Variants in TVP23A observed in about 807,000 individuals in gnomAD.
TVP23A encodes trans-golgi network vesicle protein 23 homolog A.
In TVP23A, 21 loss-of-function variants were observed where a neutral mutation model predicts 31.7. That is an observed-to-expected ratio of 0.66 (90% confidence interval 0.47 to 0.95). The LOEUF (loss-of-function observed/expected upper bound fraction) is 0.95. Ranked by LOEUF, TVP23A falls within the 40% of genes least tolerant of loss-of-function variation. The pLI is 0.00. For missense variants in TVP23A, 279 were observed against 255.6 expected (o/e 1.09, Z -0.62); for synonymous variants, 104 against 96.0 (o/e 1.08, Z -0.49).
chr16:10,786,971 T>C (rs565901896), intron 2 of TVP23A, among the ~76,000 whole-genome samples: 11 of 152,016 alleles, frequency 7.2e-5, no homozygotes, highest in African/African-American at 2.7e-4. Context: ...AATCCCCCAT[T>C]GAGTAATGGA....
rs2032153659 is a variant in TVP23A at position 10,777,870 on chromosome 16, G to A, written c.90-2774C>T. On this transcript the variant is annotated intron_variant, in intron 2 of 7. Coordinates refer to ENST00000299866, the MANE Select transcript of TVP23A (RefSeq NM_001079512.4). This position sits in a 1 kb window ranked among gnomAD's most constrained non-coding sequence, Gnocchi z 4.5. Reference sequence around the variant, plus strand: ...TACTAAAAATACAAAAATTAGCTGAGCGTGGTGGTGGGCGCCTGTAGTCCC... The same window carrying A: ...TACTAAAAATACAAAAATTAGCTGAACGTGGTGGTGGGCGCCTGTAGTCCC... 1.3e-5 allele frequency among the ~76,000 whole-genome samples: 2 copies of A among 152,188 alleles called. No individual in the cohort carries two copies. Among genetic ancestry groups the A allele is most frequent in the South Asian group, 4.2e-4 (2 of 4,802 alleles).
downstream of TVP23A, chr16:10,766,148 G>C (rs938341349): frequency 1.3e-5 from 2 of 152,436 alleles, no homozygotes; most frequent in African/African-American, 4.8e-5. The surrounding 1 kb of genome is among the most constrained non-coding windows in gnomAD (Gnocchi z 4.8). Flanking sequence ...TCCTGGTCCC[G>C]GTGTGCTGAG....
intron 2 of TVP23A, among the ~76,000 whole-genome samples, chr16:10,784,918 T>G (rs2032654664): frequency 6.6e-6 from 1 of 151,060 alleles, no homozygotes; most frequent in Non-Finnish European, 1.5e-5. Context: ...CTGACCAACA[T>G]GGTGAAACCC....
chr16:10,799,261 A>G (rs746172809), intron 2 of TVP23A, among the ~76,000 whole-genome samples: 1 of 152,232 alleles, frequency 6.6e-6, no homozygotes, highest in Non-Finnish European at 1.5e-5. Context: ...TGTTATCTGT[A>G]GCTGCTAAGT....
downstream of TVP23A, among the ~76,000 whole-genome samples, chr16:10,762,313 C>T (rs747563555): frequency 3.9e-4 from 60 of 152,168 alleles, no homozygotes; most frequent in Non-Finnish European, 6.8e-4. Flanking sequence ...CAGACCGGAA[C>T]GCGGATCACT....
At chr16:10,781,993 C>T (rs995352942) in intron 2 of TVP23A, among the ~76,000 whole-genome samples, 1 of 150,498 alleles carries the variant, frequency 6.6e-6, no homozygotes, top group African/African-American at 2.4e-5. Flanking sequence ...TCCTGAGTAG[C>T]TGGGATTGCA....
At chr16:10,759,289 G>A (rs1007551140), downstream of TVP23A, among the ~76,000 whole-genome samples, 1 of 152,192 alleles carries the variant, frequency 6.6e-6, no homozygotes, top group East Asian at 1.9e-4. This position sits in a 1 kb window ranked among gnomAD's most constrained non-coding sequence, Gnocchi z 4.7. Flanking sequence ...GCCATGGGAA[G>A]GGTGTCCGGG....
At chr16:10,773,093 T>A (rs2031743689) in intron 5 of TVP23A, among the ~76,000 whole-genome samples, 1 of 152,112 alleles carries the variant, frequency 6.6e-6, no homozygotes, top group African/African-American at 2.4e-5. Context: ...TCCTTCCACC[T>A]TGGCCTCCCA....
At chr16:10,806,397 G>A (rs116120504) in intron 2 of TVP23A, among the ~76,000 whole-genome samples, 1,743 of 152,224 alleles carry the variant, frequency 0.011, 38 homozygotes, top group African/African-American at 0.04. Flanking sequence ...TCAAGCTGCC[G>A]TCCAAGATAA....
chr16:10,757,878 ATCAAGCAGT>A (rs771474751), downstream of TVP23A: 12 of 1,613,490 alleles, frequency 7.4e-6, no homozygotes, highest in Non-Finnish European at 1.0e-5. This position sits in a 1 kb window ranked among gnomAD's most constrained non-coding sequence, Gnocchi z 4.1. Flanking sequence ...TCTAGGCATG[ATCAAGCAGT>A]TCCTCCGAGA....
At chr16:10,761,928 C>T, downstream of TVP23A, 3 of 1,227,014 alleles carry the variant, frequency 2.4e-6, no homozygotes, top group East Asian at 2.4e-5. Context: ...TCGGGCACAA[C>T]AGGGGGCGGC....
downstream of TVP23A, among the ~76,000 whole-genome samples, chr16:10,758,877 T>C (rs903726965): frequency 3.3e-5 from 5 of 152,122 alleles, no homozygotes; most frequent in African/African-American, 1.2e-4. Flanking sequence ...CCAAGGCCCA[T>C]GGTGAGCCCG....
chr16:10,816,643 T>G (rs1252257082), intron 2 of TVP23A, among the ~76,000 whole-genome samples: 1 of 152,000 alleles, frequency 6.6e-6, no homozygotes, highest in East Asian at 1.9e-4. Flanking sequence ...AGCCTATAAT[T>G]AAGGATCTTG....
intron 2 of TVP23A, among the ~76,000 whole-genome samples, chr16:10,778,483 G>A (rs1175897333): frequency 6.6e-6 from 1 of 152,102 alleles, no homozygotes; most frequent in Non-Finnish European, 1.5e-5. Flanking sequence ...ATAAATAAAT[G>A]CTCTTTCAAT....
Position 10,796,444 on chromosome 16 carries a change from A to T in TVP23A, c.90-21348T>A, listed in dbSNP as rs1001446835. ...ATTTTATTTTATTTTATTTTATTTTATTTTTTGAGATGGAGTCTGGCACTG... is the reference window on the plus strand; with the variant it reads ...ATTTTATTTTATTTTATTTTATTTTTTTTTTTGAGATGGAGTCTGGCACTG... On this transcript the variant is annotated intron_variant, in intron 2 of 7. Coordinates refer to ENST00000299866, the MANE Select transcript of TVP23A (RefSeq NM_001079512.4). Among the ~76,000 whole-genome samples the T allele has an allele frequency of 4.6e-5, 7 of 152,034 alleles. No homozygotes were observed. The East Asian group carries it at 5.8e-4, about 13-fold the overall frequency.
At chr16:10,770,431 C>G (rs1169794319) in intron 6 of TVP23A, 100 bp from the exon 7 acceptor site, 5 of 1,346,166 alleles carry the variant, frequency 3.7e-6, no homozygotes, top group Non-Finnish European at 5.0e-6. Context: ...TACAGAAAAC[C>G]TGCGGAATTG....
intron 2 of TVP23A, among the ~76,000 whole-genome samples, chr16:10,806,813 T>G (rs1173456600): frequency 6.6e-6 from 1 of 152,234 alleles, no homozygotes; most frequent in Non-Finnish European, 1.5e-5. Context: ...TTCAGTGATT[T>G]TGTTGTGGAC....
At chr16:10,764,017 G>A (rs1318004884), downstream of TVP23A, among the ~76,000 whole-genome samples, 1 of 152,122 alleles carries the variant, frequency 6.6e-6, no homozygotes, top group Middle Eastern at 3.4e-3. Context: ...TCAGCCCACA[G>A]GAGTACCTCA....
At chr16:10,793,259 C>T (rs1201074571) in intron 2 of TVP23A, among the ~76,000 whole-genome samples, 2 of 151,936 alleles carry the variant, frequency 1.3e-5, no homozygotes, top group South Asian at 2.1e-4. Context: ...CTGGGCGACA[C>T]AGCAAGACTC....
Sources: gnomAD v4.1 joint callset for allele counts (sites outside exome capture counted in the v4.1 genomes callset) on GRCh38, gnomAD v4.1.1 for gene constraint, Gnocchi (gnomAD v3.1) non-coding constraint, MANE v1.5 for transcripts, NCBI Gene and HGNC (gene_info 2026-07-23, HGNC 2026-07-21) for gene names.